Variants in INTS7 observed in about 807,000 individuals in gnomAD.
INTS7 encodes chromosome 1 open reading frame 73.
A neutral mutation model predicts 109.2 loss-of-function variants in INTS7; 46 were observed. That is an observed-to-expected ratio of 0.42 (90% CI 0.33 to 0.54). The LOEUF (loss-of-function observed/expected upper bound fraction) is 0.54. Ranked by LOEUF, INTS7 falls within the 20% of genes least tolerant of loss-of-function variation. INTS7 has a pLI of 0.07. For missense variants in INTS7, 929 were observed against 1,132.4 expected, an observed-to-expected ratio of 0.82 and a Z score of 2.58; for synonymous variants, 412 against 402.9, an observed-to-expected ratio of 1.02 and a Z score of -0.27.
chr1:212,024,735 T>C (rs1037736891), intron 1 of INTS7, among the ~76,000 whole-genome samples: 5 of 152,230 alleles, frequency 3.3e-5, no homozygotes, highest in Non-Finnish European at 7.3e-5. Flanking sequence ...ATCTCTGTTG[T>C]GCAGCTTTGA....
At chr1:211,988,263 AT>A (rs1431754576) in intron 7 of INTS7, among the ~76,000 whole-genome samples, 1 of 152,070 alleles carries the variant, frequency 6.6e-6, no homozygotes, top group East Asian at 1.9e-4. Flanking sequence ...CTCTACAAAA[AT>A]TCGAAAAATT....
intron 17 of INTS7, among the ~76,000 whole-genome samples, chr1:211,950,453 G>A (rs951582100): frequency 1.3e-5 from 2 of 152,178 alleles, no homozygotes; most frequent in African/African-American, 2.4e-5. Context: ...GGTAGTTTTA[G>A]TACAGATGGG....
chr1:212,006,201 AAAG>A (rs1221704698), intron 7 of INTS7, among the ~76,000 whole-genome samples: 1 of 152,208 alleles, frequency 6.6e-6, no homozygotes, highest in Non-Finnish European at 1.5e-5. Flanking sequence ...TCTGTTTACA[AAAG>A]AAGACTTAGG....
At chr1:211,968,101 C>CTT (rs567263345) in intron 14 of INTS7, 120 bp from the exon 15 acceptor site, 2 of 554,268 alleles carry the variant, frequency 3.6e-6, no homozygotes, top group Non-Finnish European at 6.2e-6. Flanking sequence ...ATACTGCCAT[C>CTT]TTTTCACTGT....
intron 4 of INTS7, among the ~76,000 whole-genome samples, chr1:212,015,375 T>C (rs997810590): frequency 2.6e-5 from 4 of 152,202 alleles, no homozygotes; most frequent in Admixed American, 6.5e-5. Context: ...AAAATTCTTC[T>C]GCCTTGGGAT....
rs199649794 is a variant in INTS7 at position 211,965,185 on chromosome 1, T to TA, written c.2183+1244dup. 8.2e-3 allele frequency among the ~76,000 whole-genome samples: 1,120 copies of TA among 136,856 alleles called. 5 individuals carry two copies. Among genetic ancestry groups the TA allele is most frequent in the Non-Finnish European group, 0.012 (722 of 62,442 alleles). 89.8% of individuals were successfully genotyped at this position (136,856 alleles called of 152,430 possible). A position where few individuals can be genotyped will look rare whatever the true frequency, so the allele number is the denominator to read the frequency against. ...GACATACACATGGCCAACAAGCACA[T>TA]AAAAAAAAAAAAACTCAACATCGCT... On this transcript the variant is annotated intron_variant, in intron 16 of 19. Coordinates refer to ENST00000366994, the MANE Select transcript of INTS7 (RefSeq NM_015434.4).
At chr1:211,994,519 G>T (rs373870505) in intron 7 of INTS7, among the ~76,000 whole-genome samples, 1 of 150,826 alleles carries the variant, frequency 6.6e-6, no homozygotes, top group Admixed American at 6.6e-5. Flanking sequence ...TGCGTCCCTG[G>T]TTCCAGCAAT....
At chr1:211,978,894 G>A (rs1664534401) in intron 10 of INTS7, among the ~76,000 whole-genome samples, 1 of 152,112 alleles carries the variant, frequency 6.6e-6, no homozygotes, top group Non-Finnish European at 1.5e-5. Flanking sequence ...GCATCTCCCA[G>A]AATGAAAATA....
At chr1:211,951,016 T>C (rs1663059382) in intron 17 of INTS7, among the ~76,000 whole-genome samples, 1 of 152,254 alleles carries the variant, frequency 6.6e-6, no homozygotes, top group African/African-American at 2.4e-5. Flanking sequence ...TAAATACTAT[T>C]GACAATTTTA....
At chr1:212,022,715 T>C (rs926351143) in intron 1 of INTS7, among the ~76,000 whole-genome samples, 3 of 152,242 alleles carry the variant, frequency 2.0e-5, no homozygotes, top group Non-Finnish European at 2.9e-5. Context: ...TACAGCTCTT[T>C]TGACAACCCT....
chr1:211,978,315 T>C lies in INTS7; in HGVS notation c.1427A>G (p.Lys476Arg). 1 of 1,614,230 alleles carries C rather than the reference T, an allele frequency of 6.2e-7. No homozygotes were observed. The highest frequency in any genetic ancestry group is 2.2e-5 in the East Asian group (1 of 44,888). Residue 476 changes from lysine (K) to arginine (R), a missense_variant, in exon 11 of 20, where the codon AAG becomes AGG. Coordinates refer to ENST00000366994, the MANE Select transcript of INTS7 (RefSeq NM_015434.4). Reference protein sequence around the residue: ...GMLGDLMELYKVIGRSATDKQ... With the variant: ...GMLGDLMELYRVIGRSATDKQ... ...GTCTGTGGCTGATCGTCCAATCACC[T>C]TGTACAGCTCCATGAGGTCACCAAG...
At chr1:212,018,817 C>T (rs994844944) in intron 3 of INTS7, among the ~76,000 whole-genome samples, 15 of 152,232 alleles carry the variant, frequency 9.9e-5, no homozygotes, top group Non-Finnish European at 1.8e-4. Context: ...ATTCCCATGT[C>T]GATTTTTCCC....
At chr1:211,975,577 A>G (rs1664384157) in intron 12 of INTS7, among the ~76,000 whole-genome samples, 2 of 152,234 alleles carry the variant, frequency 1.3e-5, no homozygotes, top group African/African-American at 2.4e-5. Flanking sequence ...ATGTAACATA[A>G]TGCTTGAAAT....
Position 211,957,392 on chromosome 1 carries a change from A to G in INTS7, c.2184-4691T>C, listed in dbSNP as rs557336769. ...GAAACCCTGACTCTACTAAAAATACAAAAATTTGCTGGGCATGGTGACGCA... is the reference window on the plus strand; with the variant it reads ...GAAACCCTGACTCTACTAAAAATACGAAAATTTGCTGGGCATGGTGACGCA... On this transcript the variant is annotated intron_variant, in intron 16 of 19. Transcript: ENST00000366994. Among the ~76,000 whole-genome samples, 6 of 152,232 alleles carry G rather than the reference A, an allele frequency of 3.9e-5. No homozygotes were observed. The East Asian group carries it at 1.2e-3, about 29-fold the overall frequency.
intron 16 of INTS7, among the ~76,000 whole-genome samples, chr1:211,957,251 A>G (rs1223226113): frequency 6.6e-6 from 1 of 152,174 alleles, no homozygotes; most frequent in Non-Finnish European, 1.5e-5. Flanking sequence ...CAGTTTTATA[A>G]AATTGGATTG....
chr1:212,003,456 T>C (rs1342739549), intron 7 of INTS7, among the ~76,000 whole-genome samples: 1 of 152,072 alleles, frequency 6.6e-6, no homozygotes, highest in African/African-American at 2.4e-5. Context: ...AATGAAAGCA[T>C]TTTCAGGCAA....
intron 7 of INTS7, among the ~76,000 whole-genome samples, 163 bp from the exon 8 acceptor site, chr1:211,988,166 T>G (rs912901179): frequency 5.9e-5 from 9 of 152,118 alleles, no homozygotes; most frequent in Non-Finnish European, 1.0e-4. Context: ...CTCATTCTGG[T>G]AATCCCACCA....
Position 211,944,852 on chromosome 1 carries a change from G to T in INTS7, c.2533C>A (p.Arg845Ser). 6.2e-7 allele frequency: 1 copy of T among 1,614,090 alleles called. No individual in the cohort carries two copies. Among genetic ancestry groups the T allele is most frequent in the Non-Finnish European group, 8.5e-7 (1 of 1,179,974 alleles). Residue 845 changes from arginine to serine, a missense_variant, in exon 19 of 20, where the codon CGC (arginine) becomes AGC (serine). Coordinates refer to ENST00000366994, the MANE Select transcript of INTS7 (RefSeq NM_015434.4). ...TTCAGACAGACAGACTGAATTTTGCGGAAGAGTCCTGGTTTAGATCCGTGC... is the reference window on the plus strand; with the variant it reads ...TTCAGACAGACAGACTGAATTTTGCTGAAGAGTCCTGGTTTAGATCCGTGC... ...VQHGSKPGLF[R>S]KIQSVCLNVS...
rs748259967 is a variant in INTS7, at chr1:211,967,995, T to C, written c.2011-14A>G. Reference sequence around the variant, plus strand: ...GGACTGTTTCATCTATAAAAAAAAATCAATTATGACAAACAAACATGCTAT... The same window carrying C: ...GGACTGTTTCATCTATAAAAAAAAACCAATTATGACAAACAAACATGCTAT... On this transcript the variant is annotated splice_polypyrimidine_tract_variant and intron_variant, in intron 14 of 19. Coordinates refer to ENST00000366994, the MANE Select transcript of INTS7 (RefSeq NM_015434.4). 6 of 1,388,672 alleles carry C rather than the reference T, an allele frequency of 4.3e-6. No homozygotes were observed. The African/African-American group carries it at 8.7e-5, about 20-fold the overall frequency. The allele number at this position is 1,388,672 out of a possible 1,614,324, so 86.0% of individuals were successfully genotyped here.
Sources: allele counts gnomAD v4.1 joint callset (sites outside exome capture counted in the v4.1 genomes callset), GRCh38; gene constraint gnomAD v4.1.1; transcripts MANE v1.5; gene names NCBI Gene and HGNC (gene_info 2026-07-23, HGNC 2026-07-21).